Variants in PCSK6 observed in about 807,000 individuals in gnomAD.
PCSK6 encodes proprotein convertase subtilisin/kexin type 6, also known as paired basic amino acid cleaving enzyme 4.
PCSK6 carries 85 observed loss-of-function variants against 123.3 expected under a neutral mutation model. The observed-to-expected ratio is 0.69, with a 90% CI of 0.58 to 0.83. The LOEUF (loss-of-function observed/expected upper bound fraction) is 0.83, where lower values mean the gene tolerates loss of function less well. Among genes scored for constraint, PCSK6 ranks in the 40% least tolerant of loss-of-function variants. The probability of loss-of-function intolerance (pLI) is 0.00; values close to 1 mark genes in which losing one functional copy is unlikely to be tolerated. For missense variants in PCSK6, 1,191 were observed against 1,282.3 expected (o/e 0.93, Z 1.09); for synonymous variants, 508 against 516.0 (o/e 0.98, Z 0.21).
intron 19 of PCSK6, among the ~76,000 whole-genome samples, chr15:101,314,718 G>C (rs1457363589): frequency 6.6e-6 from 1 of 152,202 alleles, no homozygotes; most frequent in African/African-American, 2.4e-5. Flanking sequence ...GTGAAGCCGA[G>C]AAGGCCACAG....
chr15:101,465,158 C>T (rs988216493), intron 1 of PCSK6, among the ~76,000 whole-genome samples: 4 of 152,326 alleles, frequency 2.6e-5, no homozygotes, highest in South Asian at 2.1e-4. Flanking sequence ...AAGGGCCCTG[C>T]GAGGGGCAAT....
intron 13 of PCSK6, among the ~76,000 whole-genome samples, chr15:101,335,390 G>A (rs780236037): frequency 1.3e-5 from 2 of 152,232 alleles, no homozygotes; most frequent in Non-Finnish European, 2.9e-5. Context: ...TTAAAAAGCA[G>A]TAGTACTCGG....
intron 13 of PCSK6, among the ~76,000 whole-genome samples, chr15:101,363,634 CT>C (rs35985370): frequency 9.0e-4 from 126 of 139,964 alleles, no homozygotes; most frequent in Middle Eastern, 3.7e-3. Flanking sequence ...TGTTATAACA[CT>C]TTTTTTTTTT....
At chr15:101,404,581 G>C (rs537580193) in intron 6 of PCSK6, among the ~76,000 whole-genome samples, 64 of 152,352 alleles carry the variant, frequency 4.2e-4, no homozygotes, top group African/African-American at 1.4e-3. Flanking sequence ...TAGGGGAAGA[G>C]AGTGGGGTCA....
chr15:101,481,514 C>T lies in PCSK6; in HGVS notation c.297+7860G>A, dbSNP rs547732517. Among the ~76,000 whole-genome samples the T allele has an allele frequency of 2.6e-4, 39 of 152,212 alleles. No individual in the cohort carries two copies. In the South Asian group the frequency reaches 8.1e-3, roughly 32 times the overall value. ...TGGGGGATGGGCAGAGCTGCAGCTA[C>T]AGCCAGGGCTCGAGGCGGTGGGGTG... is the stretch of plus-strand genomic sequence containing the variant. On this transcript the variant is annotated intron_variant, in intron 1 of 21. Coordinates refer to ENST00000611716, the MANE Select transcript of PCSK6 (RefSeq NM_002570.5).
chr15:101,376,013 AAC>A (rs1481545935), intron 11 of PCSK6, among the ~76,000 whole-genome samples: 2 of 152,154 alleles, frequency 1.3e-5, no homozygotes, highest in Non-Finnish European at 2.9e-5. Context: ...CAGCCTGGGT[AAC>A]AGAGTGAGAC....
At chr15:101,371,139 G>A (rs1044057970) in intron 11 of PCSK6, among the ~76,000 whole-genome samples, 20 of 152,286 alleles carry the variant, frequency 1.3e-4, no homozygotes, top group African/African-American at 4.3e-4. Flanking sequence ...CCCAGGAGGT[G>A]GAGGTTGCAG....
At chr15:101,453,516 G>C (rs1405735598) in intron 1 of PCSK6, among the ~76,000 whole-genome samples, 1 of 152,236 alleles carries the variant, frequency 6.6e-6, no homozygotes, top group Non-Finnish European at 1.5e-5. Flanking sequence ...AGCCTGCGGA[G>C]GCTCCAGGAA....
chr15:101,364,877 G>T, intron 13 of PCSK6: 1 of 600,614 alleles, frequency 1.7e-6, no homozygotes. Context: ...CACCAAGTTG[G>T]AGGACTCGCA....
At chr15:101,420,811 A>G (rs923164213) in intron 6 of PCSK6, among the ~76,000 whole-genome samples, 6 of 152,134 alleles carry the variant, frequency 3.9e-5, no homozygotes, top group African/African-American at 1.4e-4. Context: ...GGGGTACCCC[A>G]CTCTCCTCTC....
At chr15:101,343,090 G>A (rs1323364258) in intron 13 of PCSK6, among the ~76,000 whole-genome samples, 1 of 152,116 alleles carries the variant, frequency 6.6e-6, no homozygotes, top group Admixed American at 6.5e-5. Context: ...TTCTTTAATA[G>A]GACAATTTTA....
intron 1 of PCSK6, among the ~76,000 whole-genome samples, chr15:101,469,880 T>C (rs574246704): frequency 2.0e-5 from 3 of 152,370 alleles, no homozygotes; most frequent in African/African-American, 7.2e-5. Context: ...TTAAAAATAG[T>C]GCTTTCCTAG....
intron 1 of PCSK6, among the ~76,000 whole-genome samples, chr15:101,485,777 G>C (rs2058006134): frequency 6.6e-6 from 1 of 151,878 alleles, no homozygotes; most frequent in South Asian, 2.1e-4. Context: ...AGTTGTCTGA[G>C]GTATTCCTGG....
At chr15:101,469,423 T>G (rs185735842) in intron 1 of PCSK6, among the ~76,000 whole-genome samples, 72 of 152,336 alleles carry the variant, frequency 4.7e-4, no homozygotes, top group African/African-American at 1.5e-3. Flanking sequence ...CTTCATAAGC[T>G]TCTACGCTGG....
rs1400039335 is a variant in PCSK6, at chr15:101,326,407, T to C, written c.2150A>G (p.His717Arg). Reference protein sequence around the residue: ...PNADQCLNCVHFSLGSVKTSR... With the variant: ...PNADQCLNCVRFSLGSVKTSR... ...GGTCTTGACACTCCCCAGGCTGAAG[T>C]GGACGCAGTTCAAGCACTGGTCTGC... Residue 717 changes from histidine to arginine, a missense_variant, in exon 16 of 22, where the codon CAC (histidine) becomes CGC (arginine). Around this residue, in one of 3 missense-constraint regions of PCSK6, gnomAD observed 630 missense variants for 631.4 expected, o/e 1.00. Coordinates refer to ENST00000611716, the MANE Select transcript of PCSK6 (RefSeq NM_002570.5). The C allele has an allele frequency of 6.3e-7, 1 of 1,581,106 alleles. No homozygotes were observed. The highest frequency in any genetic ancestry group is 2.3e-5 in the East Asian group (1 of 43,092).
At position 101,389,468 on chromosome 15, in the gene PCSK6, C is replaced by T. The variant is rs1188999177; in HGVS notation, c.1306G>A (p.Ala436Thr). ...VAGIIALALE[A>T]NSQLTWRDVQ... ...AAAAGGTAAGTGGGAACTTACTTTG[C>T]TTCTAGAGCCAAGGCGATGATGCCC... Residue 436 changes from alanine to threonine, a missense_variant, in exon 9 of 22, where the codon GCA (alanine) becomes ACA (threonine). Transcript: ENST00000611716. 1 of 1,610,962 alleles carries T rather than the reference C, an allele frequency of 6.2e-7. No individual in the cohort carries two copies. The highest frequency in any genetic ancestry group is 2.2e-5 in the East Asian group (1 of 44,862).
intron 12 of PCSK6, among the ~76,000 whole-genome samples, chr15:101,367,111 T>G (rs758302828): frequency 5.9e-5 from 9 of 152,090 alleles, no homozygotes; most frequent in Non-Finnish European, 1.2e-4. Context: ...TGAGCCTCCC[T>G]TTACCCTTCC....
chr15:101,464,729 C>T (rs1039858780), intron 1 of PCSK6, among the ~76,000 whole-genome samples: 3 of 152,138 alleles, frequency 2.0e-5, no homozygotes, highest in African/African-American at 4.8e-5. Context: ...GGCCTATACT[C>T]CCTGGGGAGG....
chr15:101,485,612 G>T (rs377165389), intron 1 of PCSK6, among the ~76,000 whole-genome samples: 1 of 152,158 alleles, frequency 6.6e-6, no homozygotes, highest in African/African-American at 2.4e-5. Context: ...GGGAGAGCCT[G>T]TTCTCCCAGC....
Sources: gnomAD v4.1 joint callset for allele counts (sites outside exome capture counted in the v4.1 genomes callset) on GRCh38, gnomAD v4.1.1 for gene constraint, gnomAD v4.1.1 regional missense constraint, MANE v1.5 for transcripts, NCBI Gene and HGNC (gene_info 2026-07-23, HGNC 2026-07-21) for gene names.